SCN1A: variants seen among roughly 807,000 people sequenced by gnomAD.
SCN1A encodes the protein sodium channel protein type 1 subunit alpha.
In SCN1A, 13 loss-of-function variants were observed where a neutral mutation model predicts 193.7. The ratio of observed to expected loss-of-function variants is 0.07; its 90% CI spans 0.04 to 0.11. The LOEUF (loss-of-function observed/expected upper bound fraction) is 0.11, where lower values mean the gene tolerates loss of function less well. SCN1A is among the 10% of genes least tolerant of loss of function. The pLI is 1.00. For missense variants in SCN1A, 1,432 were observed against 2,451.1 expected (o/e 0.58, Z 8.78); for synonymous variants, 781 against 843.6 (o/e 0.93, Z 1.29).
intron 19 of SCN1A, among the ~76,000 whole-genome samples, chr2:166,032,312 GATAA>G (rs776942274): frequency 1.4e-5 from 1 of 69,708 alleles, no homozygotes; most frequent in South Asian, 4.9e-4. Context: ...TATGATAACT[GATAA>G]ATAAATGAAA....
At chr2:166,118,768 A>T (rs761597867) in intron 2 of SCN1A, among the ~76,000 whole-genome samples, 2 of 152,212 alleles carry the variant, frequency 1.3e-5, no homozygotes, top group Non-Finnish European at 2.9e-5. Flanking sequence ...TGTATGTGAC[A>T]GAATTCTCTT....
chr2:166,112,781 C>A (rs2106203383), intron 2 of SCN1A, among the ~76,000 whole-genome samples: 2 of 152,260 alleles, frequency 1.3e-5, no homozygotes, highest in African/African-American at 4.8e-5. Flanking sequence ...AGGCTAGTCA[C>A]TAGAAAGACC....
chr2:166,091,328 A>G (rs376512730), intron 2 of SCN1A, among the ~76,000 whole-genome samples: 1 of 152,228 alleles, frequency 6.6e-6, no homozygotes, highest in South Asian at 2.1e-4. Context: ...TGTTTACCTT[A>G]GAAAATCATT....
chr2:166,077,115 G>C (rs1685062616), intron 3 of SCN1A: 1 of 151,702 alleles, frequency 6.6e-6, no homozygotes, highest in Non-Finnish European at 1.5e-5. Context: ...AATTGTGCCA[G>C]CTTGCTTCTT....
intron 4 of SCN1A, among the ~76,000 whole-genome samples, chr2:166,061,330 A>G (rs180839704): frequency 1.3e-5 from 2 of 152,312 alleles, no homozygotes; most frequent in East Asian, 3.9e-4. Flanking sequence ...AAAGTAAAAG[A>G]GGCAAGATTC....
chr2:166,035,160 G>A (rs984653651), intron 19 of SCN1A, among the ~76,000 whole-genome samples: 1 of 152,100 alleles, frequency 6.6e-6, no homozygotes, highest in African/African-American at 2.4e-5. Flanking sequence ...TTGTAAACAA[G>A]GGCTCTAAGT....
chr2:166,140,703 T>C (rs183655583), intron 1 of SCN1A, among the ~76,000 whole-genome samples: 1 of 152,362 alleles, frequency 6.6e-6, no homozygotes, highest in East Asian at 1.9e-4. Flanking sequence ...TCGTGAACAC[T>C]TAACAGTAAG....
intron 27 of SCN1A, among the ~76,000 whole-genome samples, chr2:165,994,793 G>T (rs1163948108): frequency 2.0e-5 from 3 of 151,694 alleles, no homozygotes; most frequent in East Asian, 3.9e-4. Flanking sequence ...ACTTTCCAAT[G>T]ATCAGCTGGA....
In SCN1A at chr2:166,002,453, G is replaced by T. The variant is rs1383995139; in HGVS notation, c.4284+19C>A. ...ATTCCAAACAATAAAAATATTCAGA[G>T]AAAATAGTGTTCACTTACAACTTGA... On this transcript the variant is annotated intron_variant, in intron 24 of 28. Coordinates refer to ENST00000674923, the MANE Select transcript of SCN1A (RefSeq NM_001165963.4). 2.5e-6 allele frequency: 4 copies of T among 1,603,066 alleles called. No homozygotes were observed. The African/African-American group carries it at 4.0e-5, about 16-fold the overall frequency.
At chr2:166,093,121 A>G (rs1686995787) in intron 2 of SCN1A, among the ~76,000 whole-genome samples, 1 of 151,856 alleles carries the variant, frequency 6.6e-6, no homozygotes, top group South Asian at 2.1e-4. Flanking sequence ...GAGAAGATGC[A>G]CTGCATGACC....
chr2:166,007,513 A>T lies in SCN1A; in HGVS notation c.4002+2206T>A, dbSNP rs927311502. On this transcript the variant is annotated intron_variant, in intron 23 of 28. Transcript: ENST00000674923. ...TTTACCCTAGATATTCACGACATCA[A>T]TTCACTCAGTTTAATTTTACAAGTT... 4.0e-5 allele frequency among the ~76,000 whole-genome samples: 6 copies of T among 151,378 alleles called. No individual in the cohort carries two copies. Among genetic ancestry groups the T allele is most frequent in the Non-Finnish European group, 8.9e-5 (6 of 67,528 alleles).
intron 23 of SCN1A, among the ~76,000 whole-genome samples, chr2:166,004,538 TCTC>T (rs1337554749): frequency 1.3e-5 from 2 of 151,422 alleles, no homozygotes; most frequent in African/African-American, 2.4e-5. Flanking sequence ...CTCCTAACCT[TCTC>T]CTTCATTTAA....
At chr2:166,128,677 T>C (rs1691495354), upstream of SCN1A, among the ~76,000 whole-genome samples, 1 of 152,204 alleles carries the variant, frequency 6.6e-6, no homozygotes, top group South Asian at 2.1e-4. Flanking sequence ...TCTCAATTTC[T>C]ATGGTTTTAC....
At chr2:166,026,738 C>CA (rs1553537510) in intron 19 of SCN1A, among the ~76,000 whole-genome samples, 1 of 128,896 alleles carries the variant, frequency 7.8e-6, no homozygotes, top group Non-Finnish European at 1.5e-5. Flanking sequence ...GGCTGGAGTG[C>CA]AGTGGCGTGA....
At position 165,994,558 on chromosome 2, in the gene SCN1A, TATTA is replaced by T. The variant is rs1009968102; in HGVS notation, c.4582-146_4582-143del. ...ATTTTTGTAAGAATGATTTATAGCA[TATTA>T]ATTGTTAAAATTTAGTTATTTAAAT... On this transcript the variant is annotated intron_variant, in intron 27 of 28. Coordinates refer to ENST00000674923, the MANE Select transcript of SCN1A (RefSeq NM_001165963.4). 8.8e-6 allele frequency: 6 copies of T among 684,522 alleles called. No individual in the cohort carries two copies. The African/African-American group carries it at 9.1e-5, about 10-fold the overall frequency. The allele number at this position is 684,522 out of a possible 1,614,324, so 42.4% of individuals were successfully genotyped here.
At chr2:166,130,999 G>A (rs899949239), upstream of SCN1A, among the ~76,000 whole-genome samples, 70 of 152,048 alleles carry the variant, frequency 4.6e-4, no homozygotes, top group African/African-American at 1.6e-3. Flanking sequence ...TGTTCTAAGA[G>A]TTTTATATAT....
At chr2:166,036,662 G>T in intron 18 of SCN1A, 132 bp from the exon 19 acceptor site, 1 of 838,416 alleles carries the variant, frequency 1.2e-6, no homozygotes, top group Non-Finnish European at 1.8e-6. Flanking sequence ...AAACACCACA[G>T]CATAGTGATT....
intron 23 of SCN1A, among the ~76,000 whole-genome samples, chr2:166,006,624 G>A (rs1691696378): frequency 6.6e-6 from 1 of 151,188 alleles, no homozygotes; most frequent in Non-Finnish European, 1.5e-5. Context: ...CAATTCACAT[G>A]TGCTTATTCA....
At chr2:166,036,617 GA>G in intron 18 of SCN1A, 87 bp from the exon 19 acceptor site, 1 of 1,378,070 alleles carries the variant, frequency 7.3e-7, no homozygotes, top group Non-Finnish European at 1.0e-6. Flanking sequence ...TTTAAGTGTG[GA>G]AAAAACTCTA....
Sources: gnomAD v4.1 joint callset for allele counts (sites outside exome capture counted in the v4.1 genomes callset) on GRCh38, gnomAD v4.1.1 for gene constraint, MANE v1.5 for transcripts, NCBI Gene and HGNC (gene_info 2026-07-23, HGNC 2026-07-21) for gene names.